Variants in NECTIN1 observed in about 807,000 individuals in gnomAD.
NECTIN1 encodes the protein nectin-1.
In NECTIN1, 23 loss-of-function variants were observed where a neutral mutation model predicts 48.0. The ratio of observed to expected loss-of-function variants is 0.48; its 90% CI spans 0.34 to 0.68. The LOEUF (loss-of-function observed/expected upper bound fraction) is 0.68, where lower values mean the gene tolerates loss of function less well. Ranked by LOEUF, NECTIN1 falls within the 30% of genes least tolerant of loss-of-function variation. The pLI is 0.01. For missense variants in NECTIN1, 591 were observed against 709.9 expected (o/e 0.83, Z 1.90); for synonymous variants, 270 against 288.9 (o/e 0.93, Z 0.66).
intron 1 of NECTIN1, among the ~76,000 whole-genome samples, chr11:119,692,906 C>T (rs1203489776): frequency 6.6e-6 from 1 of 152,218 alleles, no homozygotes; most frequent in Non-Finnish European, 1.5e-5. Flanking sequence ...CTGAACCAGA[C>T]CTGGGTGAGC....
At chr11:119,680,226 G>T (rs369629293) in intron 1 of NECTIN1, among the ~76,000 whole-genome samples, 2 of 151,968 alleles carry the variant, frequency 1.3e-5, no homozygotes, top group South Asian at 4.2e-4. Context: ...CTCCCTTAAC[G>T]TGGGGCGGTT....
At chr11:119,674,982 C>A (rs1864922616) in intron 5 of NECTIN1, among the ~76,000 whole-genome samples, 177 bp downstream of exon 5, 1 of 152,184 alleles carries the variant, frequency 6.6e-6, no homozygotes, top group African/African-American at 2.4e-5. Context: ...CTCATTTGCA[C>A]CCTTTAATGA....
intron 1 of NECTIN1, among the ~76,000 whole-genome samples, chr11:119,696,438 G>T (rs1278591631): frequency 6.6e-6 from 1 of 152,186 alleles, no homozygotes; most frequent in Non-Finnish European, 1.5e-5. Flanking sequence ...GCCCCCTGGG[G>T]TGGGGTTGGA....
intron 6 of NECTIN1, chr11:119,639,783 T>C: frequency 6.3e-7 from 1 of 1,587,058 alleles, no homozygotes; most frequent in Admixed American, 1.7e-5. Context: ...TTCACAAGTT[T>C]AGGTGCTTTA....
intron 1 of NECTIN1, among the ~76,000 whole-genome samples, chr11:119,703,024 G>A (rs1484625529): frequency 6.6e-6 from 1 of 152,198 alleles, no homozygotes; most frequent in African/African-American, 2.4e-5. Context: ...AGCATATTCA[G>A]TGTCTGGCCC....
chr11:119,681,361 T>C (rs1005397228), intron 1 of NECTIN1, among the ~76,000 whole-genome samples: 3 of 152,130 alleles, frequency 2.0e-5, no homozygotes, highest in Non-Finnish European at 4.4e-5. Flanking sequence ...AGGAGCCATT[T>C]TGGGATTGGT....
chr11:119,712,680 G>T (rs547679019), intron 1 of NECTIN1, among the ~76,000 whole-genome samples: 1 of 152,048 alleles, frequency 6.6e-6, no homozygotes, highest in Non-Finnish European at 1.5e-5. Flanking sequence ...TGCCCTTGGC[G>T]CAATCTTGCA....
intron 1 of NECTIN1, among the ~76,000 whole-genome samples, chr11:119,702,238 A>T (rs1865469510): frequency 6.6e-6 from 1 of 152,166 alleles, no homozygotes; most frequent in African/African-American, 2.4e-5. Flanking sequence ...TGAGCAACCA[A>T]GGCATTAACC....
chr11:119,638,158 C>G, exon 8 of NECTIN1: 1 of 1,613,916 alleles, frequency 6.2e-7, no homozygotes, highest in Non-Finnish European at 8.5e-7. Context: ...AGGGGGAGAC[C>G]CCCAGATCAT....
Position 119,709,907 on chromosome 11 carries a change from A to C in NECTIN1, c.79+18568T>G, listed in dbSNP as rs971094379. 1.3e-5 allele frequency: 2 copies of C among 152,310 alleles called. No homozygotes were observed. The highest frequency in any genetic ancestry group is 4.8e-5 in the African/African-American group (2 of 41,450). The allele number at this position is 152,310 out of a possible 1,614,324, so 9.4% of individuals were successfully genotyped here. ...ATAGAACAGATGGTCTCCACTAGCC[A>C]AATTCCAATTAAACAGGGCAGAGAT... On this transcript the variant is annotated intron_variant, in intron 1 of 5. Coordinates refer to ENST00000264025, the MANE Select transcript of NECTIN1 (RefSeq NM_002855.5). This position sits in a 1 kb window ranked among gnomAD's most constrained non-coding sequence, Gnocchi z 4.1.
chr11:119,728,699 T>C lies in NECTIN1; in HGVS notation c.-146A>G, dbSNP rs1040977053. On this transcript the variant is annotated 5_prime_UTR_variant, in exon 1 of 6. Transcript: ENST00000264025. ...GCTGCAGCCGTCGGCCGGGGCGGGG[T>C]GGGCTGGGTGGGATCCGCGCGGCCG... The C allele has an allele frequency of 2.0e-5, 1 of 50,676 alleles. No homozygotes were observed. The highest frequency in any genetic ancestry group is 4.0e-5 in the Non-Finnish European group (1 of 24,890). The allele number at this position is 50,676 out of a possible 1,614,324, so 3.1% of individuals were successfully genotyped here. A position where few individuals can be genotyped will look rare whatever the true frequency, so the allele number is the denominator to read the frequency against.
intron 6 of NECTIN1, chr11:119,639,706 G>T (rs1864295483): frequency 1.1e-6 from 1 of 920,348 alleles, no homozygotes; most frequent in Non-Finnish European, 1.7e-6. Context: ...AGGAGGGTCA[G>T]CTCTTCCTGC....
In NECTIN1 at chr11:119,672,326, G is replaced by A. The variant is rs1346893716; in HGVS notation, c.1003+2833C>T. On this transcript the variant is annotated intron_variant, in intron 5 of 5. Transcript: ENST00000264025. This position sits in a 1 kb window ranked among gnomAD's most constrained non-coding sequence, Gnocchi z 4.3. ...CTCATCTGTTTTTTTTCAGTCTGGT[G>A]GAGGCTGCACCCTGGGCCTCTCCCC... Among the ~76,000 whole-genome samples the A allele has an allele frequency of 6.6e-6, 1 of 152,110 alleles. No homozygotes were observed. The highest frequency in any genetic ancestry group is 2.4e-5 in the African/African-American group (1 of 41,424).
At position 119,664,001 on chromosome 11, in the gene NECTIN1, G is replaced by A. The variant is rs1864715207; in HGVS notation, c.*746C>T. ...AGAGGCAGAGAGCAAGTGTGGGCTG[G>A]AGCCCACCTGGAGCCCCTAATGGAG... On this transcript the variant is annotated 3_prime_UTR_variant, in exon 6 of 6. Transcript: ENST00000264025. 1.0e-6 allele frequency: 1 copy of A among 986,102 alleles called. No individual in the cohort carries two copies. Among genetic ancestry groups the A allele is most frequent in the Non-Finnish European group, 1.2e-6 (1 of 830,502 alleles). The allele number at this position is 986,102 out of a possible 1,614,324, so 61.1% of individuals were successfully genotyped here.
At chr11:119,726,613 C>G (rs1865910231) in intron 1 of NECTIN1, among the ~76,000 whole-genome samples, 1 of 152,172 alleles carries the variant, frequency 6.6e-6, no homozygotes, top group South Asian at 2.1e-4. Flanking sequence ...GTGGGTGGAG[C>G]ACAGCAGGCC....
At position 119,664,441 on chromosome 11, in the gene NECTIN1, A is replaced by C; in HGVS notation, c.*306T>G. On this transcript the variant is annotated 3_prime_UTR_variant, in exon 6 of 6. Transcript: ENST00000264025. ...CCCTGGAGGGATGCCCAGGTACACA[A>C]GACGAGAACAGGGCTCCCTACACAG... 8.6e-7 allele frequency: 1 copy of C among 1,164,712 alleles called. No individual in the cohort carries two copies. Among genetic ancestry groups the C allele is most frequent in the Admixed American group, 4.3e-5 (1 of 23,412 alleles). The allele number at this position is 1,164,712 out of a possible 1,614,324, so 72.1% of individuals were successfully genotyped here. A position where few individuals can be genotyped will look rare whatever the true frequency, so the allele number is the denominator to read the frequency against.
Position 119,701,618 on chromosome 11 carries a change from C to T in NECTIN1, c.80-22853G>A, listed in dbSNP as rs531077992. 6.6e-5 allele frequency among the ~76,000 whole-genome samples: 10 copies of T among 152,106 alleles called. No individual in the cohort carries two copies. In the East Asian group the frequency reaches 1.9e-3, roughly 29 times the overall value. On this transcript the variant is annotated intron_variant, in intron 1 of 5. Coordinates refer to ENST00000264025, the MANE Select transcript of NECTIN1 (RefSeq NM_002855.5). ...TTCCAAAGCCCAAACCTGGCCTCTC[C>T]CAGACTCTTCCCTTCCTCCTGGCTC...
intron 1 of NECTIN1, among the ~76,000 whole-genome samples, chr11:119,697,203 C>T (rs1565395893): frequency 2.0e-5 from 3 of 152,020 alleles, no homozygotes; most frequent in Admixed American, 1.3e-4. Context: ...GACTCACAGC[C>T]GAGAGAGGGG....
intron 1 of NECTIN1, among the ~76,000 whole-genome samples, chr11:119,691,705 CT>C (rs1157218821): frequency 3.3e-5 from 5 of 152,336 alleles, no homozygotes; most frequent in South Asian, 4.1e-4. Context: ...AGTCTCATAA[CT>C]TTCCCGAAAC....
Sources: gnomAD v4.1 joint callset for allele counts (sites outside exome capture counted in the v4.1 genomes callset) on GRCh38, gnomAD v4.1.1 for gene constraint, Gnocchi (gnomAD v3.1) non-coding constraint, MANE v1.5 for transcripts, NCBI Gene and HGNC (gene_info 2026-07-23, HGNC 2026-07-21) for gene names.